Variants in DUOX2 observed in about 807,000 individuals in gnomAD.
DUOX2 encodes dual oxidase 2, also known as NADH/NADPH thyroid oxidase p138-tox.
A neutral mutation model predicts 183.3 loss-of-function variants in DUOX2; 185 were observed. That is an observed-to-expected ratio of 1.01 (90% confidence interval 0.90 to 1.14). DUOX2 has a LOEUF of 1.14. Among genes scored for constraint, DUOX2 ranks in the 50% most tolerant of loss-of-function variants. The pLI is 0.00. For missense variants in DUOX2, 1,999 were observed against 2,022.9 expected (o/e 0.99, Z 0.23); for synonymous variants, 788 against 812.4 (o/e 0.97, Z 0.51).
rs961201828 is a variant in DUOX2 at position 45,112,071 on chromosome 15, C to T, written c.326-116G>A. The T allele has an allele frequency of 3.1e-6, 4 of 1,287,380 alleles. No homozygotes were observed. In the African/African-American group the frequency reaches 4.4e-5, roughly 14 times the overall value. 79.7% of individuals were successfully genotyped at this position (1,287,380 alleles called of 1,614,324 possible). On this transcript the variant is annotated intron_variant, in intron 4 of 33. Coordinates refer to ENST00000389039, the MANE Select transcript of DUOX2 (RefSeq NM_001363711.2). ...AAGACAGAGGTCCCAGTGCCAGCTC[C>T]GCCACCAGCTCTGCACGTTAGCCCC...
intron 18 of DUOX2, among the ~76,000 whole-genome samples, chr15:45,105,067 C>T (rs532180840): frequency 7.9e-5 from 12 of 152,294 alleles, no homozygotes; most frequent in South Asian, 6.2e-4. Flanking sequence ...GTGATCTGCC[C>T]GCCTCAGCCT....
intron 15 of DUOX2, 73 bp from the exon 16 acceptor site, chr15:45,106,714 C>T: frequency 6.2e-7 from 1 of 1,610,222 alleles, no homozygotes; most frequent in Non-Finnish European, 8.5e-7. Context: ...AGGCTATGGC[C>T]CCTCCCTTCC....
Position 45,097,333 on chromosome 15 carries a change from AG to A in DUOX2, c.3751del (p.Leu1251TrpfsTer13), listed in dbSNP as rs1566971699. The A allele has an allele frequency of 6.2e-6, 10 of 1,614,266 alleles. No homozygotes were observed. In the Admixed American group the frequency reaches 6.7e-5, roughly 11 times the overall value. On this transcript the variant is annotated frameshift_variant, in exon 29 of 34. Transcript: ENST00000389039. LOFTEE classifies it high-confidence loss of function. ...ACCTCCATAGATGATTGCCGGGACC[AG>A]GAAGTAGATGTGGAAAGTGGGCAGC... ...IQLPTFHIYF[L>X]VPAIIYGGDK...
chr15:45,103,829 G>C (rs1235593299), intron 20 of DUOX2, 131 bp downstream of exon 20: 3 of 894,102 alleles, frequency 3.4e-6, no homozygotes, highest in African/African-American at 1.6e-5. Flanking sequence ...GAGAGTTTAG[G>C]ATGTAGTGTT....
Position 45,094,244 on chromosome 15 carries a change from C to T in DUOX2, c.4553G>A (p.Gly1518Asp). The change falls in exon 34 of 34, where the codon GGC (glycine) becomes GAC (aspartate). Residue 1518 changes from glycine to aspartate, a missense_variant. By Grantham distance (94) the Gly-to-Asp change is moderately conservative. Transcript: ENST00000389039. ...QVRKIGVFSC[G>D]PPGMTKNVEK... is the part of the protein sequence containing the mutation. ...TACATTCTTGGTCATTCCTGGAGGG[C>T]CGCAGCTGAACACCCCGATCTTGCG... 6.2e-7 allele frequency: 1 copy of T among 1,614,146 alleles called. No homozygotes were observed. The highest frequency in any genetic ancestry group is 1.7e-5 in the Admixed American group (1 of 60,022).
intron 21 of DUOX2, 121 bp from the exon 22 acceptor site, chr15:45,101,395 T>A: frequency 1.2e-6 from 1 of 869,004 alleles, no homozygotes; most frequent in East Asian, 2.6e-5. Flanking sequence ...GAGTCCTGTT[T>A]CCCTCATTCC....
Position 45,106,976 on chromosome 15 carries a change from G to A in DUOX2, c.1694-7C>T. Reference sequence around the variant, plus strand: ...GGTTGAGGGCAGGGTGCACCTGAGGGAGAGGGCAGGGAAGACCTCAAAGTC... The same window carrying A: ...GGTTGAGGGCAGGGTGCACCTGAGGAAGAGGGCAGGGAAGACCTCAAAGTC... On this transcript the variant is annotated splice_polypyrimidine_tract_variant and splice_region_variant and intron_variant, in intron 14 of 33. Transcript: ENST00000389039. 1 of 1,571,438 alleles carries A rather than the reference G, an allele frequency of 6.4e-7. No individual in the cohort carries two copies.
intron 20 of DUOX2, among the ~76,000 whole-genome samples, chr15:45,102,925 T>A (rs1158594944): frequency 6.6e-6 from 1 of 152,218 alleles, no homozygotes; most frequent in Non-Finnish European, 1.5e-5. Context: ...GAGGTTGCAG[T>A]GAGCCGAGAT....
chr15:45,112,837 G>A (rs1894481388), intron 3 of DUOX2, 119 bp from the exon 4 acceptor site: 1 of 1,555,998 alleles, frequency 6.4e-7, no homozygotes, highest in African/African-American at 1.4e-5. Flanking sequence ...TCCCTCAAGG[G>A]TCTCTTGGCC....
At chr15:45,113,460 C>T (rs1450648266) in intron 1 of DUOX2, 35 bp from the exon 2 acceptor site, 5 of 1,529,458 alleles carry the variant, frequency 3.3e-6, no homozygotes, top group Non-Finnish European at 3.5e-6. Context: ...AGGTGGTATG[C>T]GAAAGCCACT....
chr15:45,103,923 C>A (rs767776509), intron 20 of DUOX2, 37 bp downstream of exon 20: 1 of 1,607,642 alleles, frequency 6.2e-7, no homozygotes, highest in Non-Finnish European at 8.5e-7. Flanking sequence ...TTGAAACACA[C>A]CAGGAAGTCT....
chr15:45,095,192 G>A, intron 31 of DUOX2, 101 bp from the exon 32 acceptor site: 1 of 1,496,462 alleles, frequency 6.7e-7, no homozygotes, highest in Non-Finnish European at 9.0e-7. Flanking sequence ...ACCACCTGCA[G>A]ACACCAAAGC....
rs1157904867 is a variant in DUOX2, at chr15:45,092,747, A to C, written c.*1403T>G. The C allele has an allele frequency of 2.6e-5, 4 of 152,236 alleles. No individual in the cohort carries two copies. The highest frequency in any genetic ancestry group is 9.6e-5 in the African/African-American group (4 of 41,468). The allele number at this position is 152,236 out of a possible 1,614,324, so 9.4% of individuals were successfully genotyped here. On this transcript the variant is annotated 3_prime_UTR_variant, in exon 34 of 34. Transcript: ENST00000389039. ...CAGAAGAATAAACAAACTGTGGTAC[A>C]TCTCTACAATAGAATACTACTCAGC...
At chr15:45,102,016 C>T in intron 20 of DUOX2, 27 bp from the exon 21 acceptor site, 1 of 1,613,204 alleles carries the variant, frequency 6.2e-7, no homozygotes, top group Non-Finnish European at 8.5e-7. Flanking sequence ...GACACAGCAG[C>T]CTGTCACCCA....
intron 31 of DUOX2, 32 bp downstream of exon 31, chr15:45,095,404 GC>G (rs1893874303): frequency 1.2e-6 from 2 of 1,613,644 alleles, no homozygotes; most frequent in African/African-American, 2.7e-5. Context: ...GGCCACCTAT[GC>G]CCCATTTGAT....
chr15:45,106,771 C>G, intron 15 of DUOX2, 61 bp downstream of exon 15: 1 of 1,599,502 alleles, frequency 6.3e-7, no homozygotes, highest in East Asian at 2.2e-5. Context: ...TAGCCAGCCC[C>G]TCAGGCCAGC....
rs2141151110 is a variant in DUOX2, at chr15:45,106,137, C to T, written c.2136G>A (p.Lys712=). ...GGACGAGCCATACCAGGTCATACTC[C>T]TTAGGGATCTTGAGCAGCAGGGTGC... ...GCRTLLLKIP[K]EYDLVLLFSS... is the part of the protein sequence containing the mutation. Residue 712 remains lysine (K), a synonymous_variant, in exon 17 of 34, where the codon AAG becomes AAA. Coordinates refer to ENST00000389039, the MANE Select transcript of DUOX2 (RefSeq NM_001363711.2). 1.2e-6 allele frequency: 2 copies of T among 1,614,152 alleles called. No homozygotes were observed. The highest frequency in any genetic ancestry group is 1.3e-5 in the African/African-American group (1 of 75,030).
intron 21 of DUOX2, 47 bp from the exon 22 acceptor site, chr15:45,101,321 T>G: frequency 2.0e-6 from 3 of 1,514,528 alleles, no homozygotes; most frequent in Non-Finnish European, 2.7e-6. Context: ...ACAAGGGCAG[T>G]GGGGTAGGAT....
intron 26 of DUOX2, among the ~76,000 whole-genome samples, chr15:45,098,748 G>A (rs111702374): frequency 0.013 from 1,957 of 151,828 alleles, 37 homozygotes; most frequent in African/African-American, 0.046. Context: ...TGTCGCCCAG[G>A]CTGGAATGCA....
Sources: gnomAD v4.1 joint callset for allele counts (sites outside exome capture counted in the v4.1 genomes callset) on GRCh38, gnomAD v4.1.1 for gene constraint, MANE v1.5 for transcripts, NCBI Gene and HGNC (gene_info 2026-07-23, HGNC 2026-07-21) for gene names.